Variants in RAD51B observed in about 807,000 individuals in gnomAD.
RAD51B encodes RAD51 paralog B, also known as DNA repair protein RAD51 homolog 2.
A neutral mutation model predicts 42.2 loss-of-function variants in RAD51B; 38 were observed. That is an observed-to-expected ratio of 0.90 (90% CI 0.70 to 1.18). The LOEUF is 1.18. Among genes scored for constraint, RAD51B ranks in the 50% most tolerant of loss-of-function variants. The pLI is 0.00. For missense variants in RAD51B, 373 were observed against 400.7 expected (o/e 0.93, Z 0.59); for synonymous variants, 154 against 145.2 (o/e 1.06, Z -0.43).
chr14:68,368,282 A>G (rs2083183448), intron 8 of RAD51B, among the ~76,000 whole-genome samples: 1 of 152,178 alleles, frequency 6.6e-6, no homozygotes, highest in Non-Finnish European at 1.5e-5. Flanking sequence ...GCCTCGAACA[A>G]GTTAATTCCT....
intron 10 of RAD51B, chr14:68,497,608 A>T (rs1031574492): frequency 2.4e-6 from 2 of 823,358 alleles, no homozygotes; most frequent in African/African-American, 3.6e-5. Context: ...ATGATGTGCA[A>T]CCAGCATCTC....
chr14:68,610,772 C>T (rs1192987689), intron 10 of RAD51B, among the ~76,000 whole-genome samples: 1 of 151,730 alleles, frequency 6.6e-6, no homozygotes, highest in Admixed American at 6.6e-5. Flanking sequence ...AAAGGTGAAA[C>T]CAATTTCTCT....
intron 10 of RAD51B, among the ~76,000 whole-genome samples, chr14:68,518,722 G>A (rs370530341): frequency 6.6e-6 from 1 of 152,198 alleles, no homozygotes; most frequent in East Asian, 1.9e-4. Flanking sequence ...CTGAAAGCTG[G>A]GTTGAACAAG....
intron 9 of RAD51B, among the ~76,000 whole-genome samples, chr14:68,455,193 C>G (rs2085654082): frequency 6.6e-6 from 1 of 152,118 alleles, no homozygotes; most frequent in Admixed American, 6.5e-5. Context: ...CATCAGAAAC[C>G]ACAGAAGCCA....
intron 8 of RAD51B, among the ~76,000 whole-genome samples, chr14:68,307,564 C>T (rs1489361602): frequency 6.6e-6 from 1 of 152,182 alleles, no homozygotes; most frequent in Non-Finnish European, 1.5e-5. Context: ...GCCTGTACTT[C>T]AAGCAGTTTT....
intron 11 of RAD51B, among the ~76,000 whole-genome samples, chr14:68,682,570 C>T (rs778008029): frequency 5.3e-5 from 8 of 152,128 alleles, no homozygotes; most frequent in Non-Finnish European, 1.5e-5. Context: ...TCATAGATTA[C>T]GAAAACACAA....
At chr14:68,356,402 C>T (rs2877475) in intron 8 of RAD51B, among the ~76,000 whole-genome samples, 127,392 of 147,890 alleles carry the variant, frequency 0.86, 55,167 homozygotes, top group East Asian at 0.99. Context: ...GTCACTGCAC[C>T]CCAACCTGGG....
At chr14:68,026,172 T>C (rs954359033) in intron 7 of RAD51B, among the ~76,000 whole-genome samples, 4 of 152,156 alleles carry the variant, frequency 2.6e-5, no homozygotes, top group African/African-American at 9.7e-5. Flanking sequence ...ATCTTGTTGG[T>C]GTTGATTTCT....
intron 7 of RAD51B, among the ~76,000 whole-genome samples, chr14:67,989,210 C>A (rs922902330): frequency 1.3e-5 from 2 of 152,172 alleles, no homozygotes; most frequent in Non-Finnish European, 2.9e-5. Flanking sequence ...TTCTGAAATT[C>A]TTTGAATCTA....
intron 7 of RAD51B, among the ~76,000 whole-genome samples, chr14:68,005,196 G>A (rs958637472): frequency 6.6e-6 from 1 of 151,822 alleles, no homozygotes; most frequent in Non-Finnish European, 1.5e-5. Flanking sequence ...TGGGATTACA[G>A]GTGCATGCCA....
chr14:68,666,548 A>C (rs1375984238), intron 11 of RAD51B, among the ~76,000 whole-genome samples: 1 of 152,180 alleles, frequency 6.6e-6, no homozygotes, highest in Non-Finnish European at 1.5e-5. Flanking sequence ...GAAGAGGGTG[A>C]ACCCCAGGCA....
chr14:68,372,171 C>T (rs1411052236), intron 8 of RAD51B, among the ~76,000 whole-genome samples: 2 of 152,004 alleles, frequency 1.3e-5, no homozygotes, highest in African/African-American at 4.8e-5. Context: ...GAGAATTGAC[C>T]CTTGGATTTG....
At chr14:68,348,637 C>T (rs976345017) in intron 8 of RAD51B, among the ~76,000 whole-genome samples, 10 of 152,198 alleles carry the variant, frequency 6.6e-5, no homozygotes, top group African/African-American at 1.4e-4. Context: ...CGGTGGCTCA[C>T]GCCTGTAATC....
chr14:67,949,063 C>T (rs111491995), intron 7 of RAD51B, among the ~76,000 whole-genome samples: 29 of 151,742 alleles, frequency 1.9e-4, no homozygotes, highest in African/African-American at 6.8e-4. Context: ...GGTCCCCTCT[C>T]AATGTTGATA....
chr14:68,087,773 A>C (rs2077007652), intron 7 of RAD51B, among the ~76,000 whole-genome samples: 1 of 147,866 alleles, frequency 6.8e-6, no homozygotes, highest in Non-Finnish European at 1.5e-5. Flanking sequence ...AAGAACTGAT[A>C]GTATTTTTAT....
intron 8 of RAD51B, among the ~76,000 whole-genome samples, chr14:68,315,190 C>G (rs1441519830): frequency 6.6e-6 from 1 of 152,188 alleles, no homozygotes; most frequent in Non-Finnish European, 1.5e-5. Flanking sequence ...CTGGCTCTAC[C>G]ATGTGATTTG....
intron 4 of RAD51B, 183 bp from the exon 5 acceptor site, chr14:67,864,820 G>T (rs1305078728): frequency 1.0e-6 from 1 of 989,060 alleles, no homozygotes. Context: ...TTCAGATGCA[G>T]AGGGGAGAAG....
Position 67,864,961 on chromosome 14 carries a change from C to CTTTTTTTTTTTTTTTTTTTTTTTT in RAD51B, c.316-26_316-3dup, listed in dbSNP as rs745505141. 9.0e-5 allele frequency: 58 copies of CTTTTTTTTTTTTTTTTTTTTTTTT among 645,020 alleles called. 29 individuals are homozygous for CTTTTTTTTTTTTTTTTTTTTTTTT. The highest frequency in any genetic ancestry group is 3.0e-4 in the African/African-American group (8 of 26,412). 40.0% of individuals were successfully genotyped at this position (645,020 alleles called of 1,614,324 possible). A position where few individuals can be genotyped will look rare whatever the true frequency, so the allele number is the denominator to read the frequency against. On this transcript the variant is annotated intron_variant, in intron 4 of 10. Coordinates refer to ENST00000471583, the MANE Select transcript of RAD51B (RefSeq NM_133510.4). ...TGGCTTGTGATGTTTATCTAAAAAACTTTTTTTTTTTTTTTTTTTTTTTTT... is the reference window on the plus strand; with the variant it reads ...TGGCTTGTGATGTTTATCTAAAAAACTTTTTTTTTTTTTTTTTTTTTTTTTTTTTTTTTTTTTTTTTTTTTTTTT...
intron 7 of RAD51B, among the ~76,000 whole-genome samples, chr14:68,111,661 A>C (rs1006540536): frequency 6.6e-6 from 1 of 152,028 alleles, no homozygotes; most frequent in Non-Finnish European, 1.5e-5. Context: ...ATGTTCACCA[A>C]ACTACTTCCT....
Sources: gnomAD v4.1 joint callset for allele counts (sites outside exome capture counted in the v4.1 genomes callset) on GRCh38, gnomAD v4.1.1 for gene constraint, MANE v1.5 for transcripts, NCBI Gene and HGNC (gene_info 2026-07-23, HGNC 2026-07-21) for gene names.